TBC1D22B: variants seen among roughly 807,000 people sequenced by gnomAD.
TBC1D22B encodes the protein TBC1 domain family member 22B.
Under a neutral mutation model 69.1 loss-of-function variants are expected in TBC1D22B, and 32 were observed. That is an observed-to-expected ratio of 0.46 (90% CI 0.35 to 0.62). The LOEUF (loss-of-function observed/expected upper bound fraction) is 0.62. Among genes scored for constraint, TBC1D22B ranks in the 20% least tolerant of loss-of-function variants. The probability of loss-of-function intolerance (pLI) is 0.00; values close to 1 mark genes in which losing one functional copy is unlikely to be tolerated. For synonymous variants in TBC1D22B, 206 were observed against 229.8 expected (o/e 0.90, Z 0.94); for missense variants, 462 against 630.9 (o/e 0.73, Z 2.87).
chr6:37,276,877 C>T (rs1766686290), intron 2 of TBC1D22B, among the ~76,000 whole-genome samples: 1 of 151,940 alleles, frequency 6.6e-6, no homozygotes, highest in Non-Finnish European at 1.5e-5. Flanking sequence ...GGTGACAGAG[C>T]AAGGCTCCTT....
At chr6:37,261,459 G>A (rs1413629214) in intron 1 of TBC1D22B, among the ~76,000 whole-genome samples, 1 of 150,636 alleles carries the variant, frequency 6.6e-6, no homozygotes, top group Non-Finnish European at 1.5e-5. Flanking sequence ...AAAAATGCAG[G>A]CTCTGAAATC....
intron 8 of TBC1D22B, 109 bp downstream of exon 8, chr6:37,291,466 TAG>T: frequency 2.6e-6 from 2 of 761,448 alleles, no homozygotes; most frequent in Non-Finnish European, 4.1e-6. Context: ...TGCTAGAAAA[TAG>T]AGAGTGCCTT....
At chr6:37,322,836 C>G (rs1012084036) in intron 12 of TBC1D22B, among the ~76,000 whole-genome samples, 1 of 152,260 alleles carries the variant, frequency 6.6e-6, no homozygotes, top group African/African-American at 2.4e-5. Context: ...GGGGTTACAA[C>G]GGGGAGCAGG....
intron 8 of TBC1D22B, among the ~76,000 whole-genome samples, chr6:37,310,582 T>C (rs1254723379): frequency 1.3e-5 from 2 of 152,284 alleles, no homozygotes; most frequent in East Asian, 3.9e-4. Context: ...GCAGGAGAAT[T>C]GCTTGAACCT....
At chr6:37,284,102 T>A (rs554712624) in intron 5 of TBC1D22B, among the ~76,000 whole-genome samples, 29 of 152,300 alleles carry the variant, frequency 1.9e-4, no homozygotes, top group African/African-American at 6.5e-4. Flanking sequence ...TCCAGCACAG[T>A]GCAGGGCCAA....
intron 8 of TBC1D22B, among the ~76,000 whole-genome samples, chr6:37,307,357 C>CTTT (rs1162970941): frequency 8.0e-5 from 11 of 137,810 alleles, no homozygotes; most frequent in South Asian, 2.3e-4. Flanking sequence ...TCTTTTTTTT[C>CTTT]TTTTTTTTTT....
intron 11 of TBC1D22B, 128 bp from the exon 12 acceptor site, chr6:37,316,983 T>C (rs1768103631): frequency 6.8e-7 from 1 of 1,477,228 alleles, no homozygotes; most frequent in African/African-American, 1.4e-5. Flanking sequence ...CTTTGCTAAG[T>C]CTCTTCAGAA....
At chr6:37,304,797 G>T (rs1002674053) in intron 8 of TBC1D22B, among the ~76,000 whole-genome samples, 1 of 152,128 alleles carries the variant, frequency 6.6e-6, no homozygotes, top group Admixed American at 6.5e-5. Context: ...TAAAAAAATC[G>T]CTTTCTTAGT....
At position 37,291,395 on chromosome 6, in the gene TBC1D22B, T is replaced by C. The variant is rs144887226; in HGVS notation, c.982+38T>C. On this transcript the variant is annotated intron_variant, in intron 8 of 12. Transcript: ENST00000373491. ...AGTACCAAGCTGAACAAGCTATTGCTCTTTCTTATCTGCCGTCTGTCTGTT... is the reference window on the plus strand; with the variant it reads ...AGTACCAAGCTGAACAAGCTATTGCCCTTTCTTATCTGCCGTCTGTCTGTT... 29 of 1,371,278 alleles carry C rather than the reference T, an allele frequency of 2.1e-5. No individual in the cohort carries two copies. In the East Asian group the frequency reaches 6.7e-4, roughly 32 times the overall value. The allele number at this position is 1,371,278 out of a possible 1,614,324, so 84.9% of individuals were successfully genotyped here.
intron 10 of TBC1D22B, 146 bp from the exon 11 acceptor site, chr6:37,316,557 A>G: frequency 1.2e-6 from 1 of 812,534 alleles, no homozygotes; most frequent in Non-Finnish European, 2.0e-6. Context: ...TCAAACATAA[A>G]GGACAGTCAG....
In TBC1D22B at chr6:37,291,245, C is replaced by A. The variant is rs1027232214; in HGVS notation, c.870C>A (p.Ile290=). Residue 290 remains isoleucine, a splice_region_variant and synonymous_variant, in exon 8 of 13, where the codon ATC becomes ATA. Coordinates refer to ENST00000373491, the MANE Select transcript of TBC1D22B (RefSeq NM_017772.4). The part of the protein sequence containing the change: ...PLFQQPLVQE[I]FERILFIWAI... Reference sequence around the variant, plus strand: ...GTCTTTCTTTCTCATTTTCCTAGATCTTTGAAAGAATTCTATTTATTTGGG... The same window carrying A: ...GTCTTTCTTTCTCATTTTCCTAGATATTTGAAAGAATTCTATTTATTTGGG... 1.9e-6 allele frequency: 3 copies of A among 1,607,804 alleles called. No homozygotes were observed. Among genetic ancestry groups the A allele is most frequent in the Non-Finnish European group, 2.6e-6 (3 of 1,174,368 alleles).
intron 10 of TBC1D22B, among the ~76,000 whole-genome samples, chr6:37,314,520 C>T (rs1349542164): frequency 1.3e-5 from 2 of 152,178 alleles, no homozygotes; most frequent in Non-Finnish European, 2.9e-5. Flanking sequence ...AACAGCCTTA[C>T]AGGAATTCCT....
rs533691073 is a variant in TBC1D22B, at chr6:37,275,048, C to G, written c.114-4256C>G. The stretch of plus-strand genomic sequence containing the variant: ...CCTGGAAGACAGAGCGAGAATCCAT[C>G]TTAATAATAATAATAATAAATAATC... On this transcript the variant is annotated intron_variant, in intron 2 of 12. Transcript: ENST00000373491. Among the ~76,000 whole-genome samples the G allele has an allele frequency of 1.1e-3, 63 of 54,856 alleles. 1 individual carries two copies. In the South Asian group the frequency reaches 0.062, roughly 54 times the overall value. 36.0% of individuals were successfully genotyped at this position (54,856 alleles called of 152,430 possible).
At chr6:37,283,494 G>A (rs546539649) in intron 5 of TBC1D22B, among the ~76,000 whole-genome samples, 2 of 152,208 alleles carry the variant, frequency 1.3e-5, no homozygotes, top group Non-Finnish European at 2.9e-5. Context: ...CATAGTGCCA[G>A]ATGCTTTGAG....
At chr6:37,307,059 T>C (rs1028435613) in intron 8 of TBC1D22B, among the ~76,000 whole-genome samples, 1 of 151,994 alleles carries the variant, frequency 6.6e-6, no homozygotes, top group African/African-American at 2.4e-5. Context: ...CTCTCCACCC[T>C]CTCTACACTT....
intron 3 of TBC1D22B, among the ~76,000 whole-genome samples, chr6:37,281,620 C>T (rs1438482618): frequency 6.6e-6 from 1 of 152,146 alleles, no homozygotes; most frequent in African/African-American, 2.4e-5. Flanking sequence ...TCCTTTTAGT[C>T]CTTGGAGCAG....
At chr6:37,298,088 G>A (rs928505080) in intron 8 of TBC1D22B, among the ~76,000 whole-genome samples, 18 of 152,082 alleles carry the variant, frequency 1.2e-4, no homozygotes, top group African/African-American at 3.9e-4. Flanking sequence ...GGAGAAATAC[G>A]TAATGTAAAT....
intron 6 of TBC1D22B, among the ~76,000 whole-genome samples, chr6:37,286,689 A>G (rs920100562): frequency 6.6e-6 from 1 of 151,362 alleles, no homozygotes; most frequent in Non-Finnish European, 1.5e-5. Context: ...CACACCTGCA[A>G]TCCCAGCACT....
intron 12 of TBC1D22B, among the ~76,000 whole-genome samples, chr6:37,327,339 G>T (rs1032446017): frequency 1.5e-5 from 2 of 135,536 alleles, no homozygotes; most frequent in Non-Finnish European, 3.1e-5. Context: ...TTAGCCGGGC[G>T]TGGTGGTGGG....
Sources: gnomAD v4.1 joint callset for allele counts (sites outside exome capture counted in the v4.1 genomes callset) on GRCh38, gnomAD v4.1.1 for gene constraint, MANE v1.5 for transcripts, NCBI Gene and HGNC (gene_info 2026-07-23, HGNC 2026-07-21) for gene names.